Variants in PTPRT observed in about 807,000 individuals in gnomAD.
The protein encoded by PTPRT is protein tyrosine phosphatase receptor type T.
In PTPRT, 56 loss-of-function variants were observed where a neutral mutation model predicts 176.8. The ratio of observed to expected loss-of-function variants is 0.32; its 90% CI spans 0.26 to 0.40. The LOEUF (loss-of-function observed/expected upper bound fraction) is 0.40. Ranked by LOEUF, PTPRT falls within the 10% of genes least tolerant of loss-of-function variation. The pLI, the probability that PTPRT is intolerant of heterozygous loss-of-function variation, is 1.00. For missense variants in PTPRT, 1,540 were observed against 1,908.2 expected (o/e 0.81, Z 3.60); for synonymous variants, 783 against 739.0 (o/e 1.06, Z -0.96).
chr20:42,738,823 G>A (rs1026209129), intron 6 of PTPRT, among the ~76,000 whole-genome samples: 1 of 152,176 alleles, frequency 6.6e-6, no homozygotes, highest in African/African-American at 2.4e-5. Flanking sequence ...TGTAATCCCA[G>A]CATTTTGGGA....
intron 7 of PTPRT, among the ~76,000 whole-genome samples, chr20:42,663,438 A>C (rs1411047030): frequency 6.6e-6 from 1 of 152,174 alleles, no homozygotes; most frequent in Non-Finnish European, 1.5e-5. Flanking sequence ...TTGCTGCTGC[A>C]GGAAACAGCC....
In PTPRT at chr20:42,810,759, G is replaced by T. The variant is rs189028339; in HGVS notation, c.215-19293C>A. 9.3e-4 allele frequency among the ~76,000 whole-genome samples: 142 copies of T among 152,240 alleles called. 1 individual carries two copies. The highest frequency in any genetic ancestry group is 1.8e-3 in the Non-Finnish European group (121 of 68,006). On this transcript the variant is annotated intron_variant, in intron 2 of 30. Transcript: ENST00000373187. ...CTGAAACACTGTTCCCACCCAAAAG[G>T]GGAAAATCAGATCACTTCCACATGG...
At chr20:42,472,968 GA>G (rs1299755606) in intron 7 of PTPRT, among the ~76,000 whole-genome samples, 3 of 152,086 alleles carry the variant, frequency 2.0e-5, no homozygotes, top group Non-Finnish European at 4.4e-5. Context: ...TCCTTATACT[GA>G]ATTCAGCCCC....
At chr20:42,516,342 C>A (rs1426069292) in intron 7 of PTPRT, among the ~76,000 whole-genome samples, 1 of 151,990 alleles carries the variant, frequency 6.6e-6, no homozygotes, top group African/African-American at 2.4e-5. Flanking sequence ...ATAAAGATAA[C>A]CACTATGTTC....
intron 9 of PTPRT, among the ~76,000 whole-genome samples, chr20:42,435,018 TAAAAAGAAAAGAAAAC>T (rs930431525): frequency 6.6e-5 from 10 of 151,312 alleles, no homozygotes; most frequent in Non-Finnish European, 1.2e-4. Context: ...GAGAAAATTT[TAAAAAGAAAAGAAAAC>T]AAAAAGAAAA....
intron 6 of PTPRT, among the ~76,000 whole-genome samples, chr20:42,724,191 T>C (rs1404337195): frequency 6.6e-6 from 1 of 152,230 alleles, no homozygotes; most frequent in Non-Finnish European, 1.5e-5. Flanking sequence ...TCTAATCAGC[T>C]AAGTGTAATA....
At chr20:42,409,348 G>A (rs1053831222) in intron 9 of PTPRT, among the ~76,000 whole-genome samples, 2 of 151,768 alleles carry the variant, frequency 1.3e-5, no homozygotes, top group African/African-American at 2.4e-5. Flanking sequence ...CGGGCATGGT[G>A]TCTCGCGCCT....
intron 6 of PTPRT, among the ~76,000 whole-genome samples, chr20:42,731,973 C>T (rs1050635977): frequency 6.6e-6 from 1 of 152,202 alleles, no homozygotes; most frequent in Non-Finnish European, 1.5e-5. Context: ...TGTCCACTTA[C>T]CGAAGGGAGC....
chr20:42,482,031 T>C (rs755688980), intron 7 of PTPRT, among the ~76,000 whole-genome samples: 11 of 152,108 alleles, frequency 7.2e-5, no homozygotes, highest in Non-Finnish European at 1.3e-4. Flanking sequence ...ATATTTGAGA[T>C]AAATTACCAA....
At chr20:42,249,853 G>C (rs2056520075) in intron 13 of PTPRT, among the ~76,000 whole-genome samples, 1 of 152,192 alleles carries the variant, frequency 6.6e-6, no homozygotes. Context: ...TCTTATTTCA[G>C]ACATTCTAGA....
chr20:42,109,991 T>C lies in PTPRT; in HGVS notation c.3254+342A>G, dbSNP rs995325427. Among the ~76,000 whole-genome samples, 7 of 151,724 alleles carry C rather than the reference T, an allele frequency of 4.6e-5. No homozygotes were observed. In the South Asian group the frequency reaches 6.2e-4, roughly 14 times the overall value. ...AGTAAAGCCACTAGAAAAGATAACA[T>C]GTCCCTCCCAAGAAAGCCGAGCTGC... On this transcript the variant is annotated intron_variant, in intron 23 of 30. Transcript: ENST00000373187.
chr20:42,099,350 G>C (rs549675835), intron 26 of PTPRT, among the ~76,000 whole-genome samples: 40 of 152,152 alleles, frequency 2.6e-4, no homozygotes, highest in African/African-American at 9.6e-4. Flanking sequence ...TGAGATTTAC[G>C]TGTGAAAAGG....
chr20:42,744,662 A>G (rs1374934417), intron 6 of PTPRT, among the ~76,000 whole-genome samples: 1 of 152,180 alleles, frequency 6.6e-6, no homozygotes, highest in African/African-American at 2.4e-5. Flanking sequence ...TCACTTCAAT[A>G]TTAATAACAG....
At chr20:42,275,891 G>A (rs1342691438) in intron 13 of PTPRT, among the ~76,000 whole-genome samples, 1 of 152,066 alleles carries the variant, frequency 6.6e-6, no homozygotes, top group South Asian at 2.1e-4. Context: ...GTATCTCATG[G>A]GACTCAGCTA....
At chr20:42,665,000 A>T (rs2075288690) in intron 7 of PTPRT, among the ~76,000 whole-genome samples, 1 of 152,254 alleles carries the variant, frequency 6.6e-6, no homozygotes, top group African/African-American at 2.4e-5. Context: ...AAAACCCTAG[A>T]AGAAAACCTA....
chr20:42,714,670 G>C lies in PTPRT; in HGVS notation c.860-36511C>G, dbSNP rs139238103. ...CAGTATTTTGATCATTGATAGCGAAGAAATACAGAAGTGAGACTCATGTTT... is the reference window on the plus strand; with the variant it reads ...CAGTATTTTGATCATTGATAGCGAACAAATACAGAAGTGAGACTCATGTTT... On this transcript the variant is annotated intron_variant, in intron 6 of 30. Transcript: ENST00000373187. Among the ~76,000 whole-genome samples the C allele has an allele frequency of 3.2e-4, 48 of 152,292 alleles. No individual in the cohort carries two copies. The East Asian group carries it at 7.5e-3, about 24-fold the overall frequency.
At chr20:42,110,837 C>T (rs968338377) in intron 22 of PTPRT, among the ~76,000 whole-genome samples, 1 of 151,980 alleles carries the variant, frequency 6.6e-6, no homozygotes, top group South Asian at 2.1e-4. Flanking sequence ...GTATTGAGTA[C>T]GGATTTAAAG....
At chr20:42,134,832 C>T (rs1287038617) in intron 18 of PTPRT, among the ~76,000 whole-genome samples, 4 of 152,212 alleles carry the variant, frequency 2.6e-5, no homozygotes, top group Non-Finnish European at 4.4e-5. Flanking sequence ...TGACAGAGGA[C>T]AAAGCCTAGC....
At chr20:42,038,213 A>T in the PTPRT span, among the ~76,000 whole-genome samples, 180 of 152,302 alleles carry the variant, frequency 1.2e-3, no homozygotes, top group Admixed American at 2.0e-3. Context: ...GCAACTTGGA[A>T]GGTAGACATT....
Sources: gnomAD v4.1 joint callset for allele counts (sites outside exome capture counted in the v4.1 genomes callset) on GRCh38, gnomAD v4.1.1 for gene constraint, MANE v1.5 for transcripts, NCBI Gene and HGNC (gene_info 2026-07-23, HGNC 2026-07-21) for gene names.